The following ZNF331 variants were observed in gnomAD, a reference collection of about 807,000 sequenced individuals.
The protein encoded by ZNF331 is C2H2-like zinc finger protein rearranged in thyroid adenomas.
In ZNF331, 2 loss-of-function variants were observed where a neutral mutation model predicts 7.0. That is an observed-to-expected ratio of 0.29 (90% CI 0.12 to 0.90). The LOEUF is 0.90. ZNF331 is among the 40% of genes least tolerant of loss of function. The pLI is 0.58. For missense variants in ZNF331, 432 were observed against 587.7 expected (o/e 0.74, Z 2.74); for synonymous variants, 196 against 205.4 (o/e 0.95, Z 0.39).
At chr19:53,519,997 T>A (rs1424450635), upstream of ZNF331, among the ~76,000 whole-genome samples, 5 of 152,080 alleles carry the variant, frequency 3.3e-5, no homozygotes, top group Admixed American at 6.6e-5. Context: ...TGCTGGGAAA[T>A]TTTTGAACTT....
the ZNF331 span, among the ~76,000 whole-genome samples, chr19:53,505,671 A>G: frequency 1.3e-5 from 2 of 152,162 alleles, no homozygotes; most frequent in East Asian, 3.9e-4. Flanking sequence ...TAGTCACCAA[A>G]TGCTGGATGG....
chr19:53,559,928 TAC>T (rs2089752191), intron 3 of ZNF331, among the ~76,000 whole-genome samples: 1 of 147,714 alleles, frequency 6.8e-6, no homozygotes, highest in South Asian at 2.2e-4. Context: ...ACCCACACCA[TAC>T]ACACATACAT....
At chr19:53,576,125 C>G (rs960574494) in intron 5 of ZNF331, among the ~76,000 whole-genome samples, 4 of 152,084 alleles carry the variant, frequency 2.6e-5, no homozygotes, top group Non-Finnish European at 2.9e-5. Context: ...GCTGGGATTA[C>G]AGTCATGCGC....
At chr19:53,572,009 A>C (rs571486986) in intron 5 of ZNF331, among the ~76,000 whole-genome samples, 10 of 152,272 alleles carry the variant, frequency 6.6e-5, no homozygotes, top group Admixed American at 1.3e-4. Flanking sequence ...CCATCTTCAA[A>C]GGAGCCAGTT....
At chr19:53,533,049 T>A (rs924010601) in intron 2 of ZNF331, among the ~76,000 whole-genome samples, 1 of 150,502 alleles carries the variant, frequency 6.6e-6, no homozygotes, top group African/African-American at 2.4e-5. Context: ...TTCATTACTA[T>A]GAGTGTCATT....
chr19:53,554,524 G>C (rs1030800371), intron 2 of ZNF331: 3 of 152,240 alleles, frequency 2.0e-5, no homozygotes, highest in African/African-American at 7.2e-5. Flanking sequence ...CATGGGTGGC[G>C]GGACCGACTG....
the ZNF331 span, among the ~76,000 whole-genome samples, chr19:53,514,505 C>T: frequency 1.3e-5 from 2 of 152,120 alleles, no homozygotes; most frequent in Non-Finnish European, 2.9e-5. Flanking sequence ...CTAGCCCTAA[C>T]TAATATATTT....
intron 2 of ZNF331, among the ~76,000 whole-genome samples, chr19:53,542,365 C>T (rs2088236193): frequency 6.6e-6 from 1 of 152,168 alleles, no homozygotes; most frequent in African/African-American, 2.4e-5. Flanking sequence ...TGTTCCTTTC[C>T]CAGGACATCA....
rs2090840163 is a variant in ZNF331 at position 53,579,166 on chromosome 19, A to G, written c.*1214A>G. 4.9e-6 allele frequency: 1 copy of G among 205,448 alleles called. No homozygotes were observed. The highest frequency in any genetic ancestry group is 9.9e-6 in the Non-Finnish European group (1 of 100,514). The allele number at this position is 205,448 out of a possible 1,614,324, so 12.7% of individuals were successfully genotyped here. On this transcript the variant is annotated 3_prime_UTR_variant, in exon 6 of 6. Transcript: ENST00000449416. ...AGAGGCAAATTTGAAGAGTGGAAAA[A>G]TCACTTTTTCTGAATGATCTTGTTT...
At chr19:53,563,592 T>TAA (rs147646452) in intron 3 of ZNF331, among the ~76,000 whole-genome samples, 2 of 147,676 alleles carry the variant, frequency 1.4e-5, no homozygotes, top group Non-Finnish European at 3.0e-5. Context: ...TTAATGTAAG[T>TAA]AAAAAAAAAA....
chr19:53,536,130 T>G (rs1207451571), upstream of ZNF331, among the ~76,000 whole-genome samples: 2 of 152,232 alleles, frequency 1.3e-5, no homozygotes, highest in African/African-American at 4.8e-5. Flanking sequence ...CTAGATTTTT[T>G]AAGGAACTAT....
intron 5 of ZNF331, among the ~76,000 whole-genome samples, chr19:53,575,501 T>TA (rs1365766872): frequency 9.6e-6 from 1 of 104,506 alleles, no homozygotes; most frequent in Non-Finnish European, 1.8e-5. Context: ...CCCAGTTGCT[T>TA]TTTTTTTTTT....
Position 53,547,547 on chromosome 19 carries a change from C to G in ZNF331, c.-138+8265C>G, listed in dbSNP as rs190569561. Among the ~76,000 whole-genome samples, 31 of 152,220 alleles carry G rather than the reference C, an allele frequency of 2.0e-4. No individual in the cohort carries two copies. In the East Asian group the frequency reaches 5.8e-3, roughly 28 times the overall value. ...AATTTCATTTTCTTTGGATATATAC[C>G]CAGAGTGGGATTGCTGCGTCATCTG... is the stretch of plus-strand genomic sequence containing the variant. On this transcript the variant is annotated intron_variant, in intron 2 of 5. Transcript: ENST00000449416.
chr19:53,544,267 C>T (rs1009125320), intron 2 of ZNF331, among the ~76,000 whole-genome samples: 9 of 149,062 alleles, frequency 6.0e-5, no homozygotes, highest in East Asian at 6.0e-4. Context: ...ATTATTAGGC[C>T]GGGTGTGGTG....
At chr19:53,518,974 G>C (rs1600172045), upstream of ZNF331, among the ~76,000 whole-genome samples, 3 of 152,254 alleles carry the variant, frequency 2.0e-5, no homozygotes, top group South Asian at 6.2e-4. Context: ...TCCTTATCTG[G>C]TTGGATGCAG....
chr19:53,577,977 G>A lies in ZNF331; in HGVS notation c.*25G>A, dbSNP rs373263849. 2.7e-4 allele frequency: 432 copies of A among 1,582,978 alleles called. No homozygotes were observed. The highest frequency in any genetic ancestry group is 3.4e-4 in the Non-Finnish European group (395 of 1,161,506). On this transcript the variant is annotated 3_prime_UTR_variant, in exon 6 of 6. Transcript: ENST00000449416. ...AAGAGCCTTTTGAACGCAGTAGCCC[G>A]CTCGTATCTATGGTTTCGCTTTCCA...
At chr19:53,568,066 T>C (rs958678706) in intron 3 of ZNF331, among the ~76,000 whole-genome samples, 2 of 151,906 alleles carry the variant, frequency 1.3e-5, no homozygotes, top group Non-Finnish European at 2.9e-5. Context: ...CTGGCCAACA[T>C]GGTGAAACCC....
At chr19:53,524,115 A>G (rs1346081742) in intron 2 of ZNF331, among the ~76,000 whole-genome samples, 1 of 152,230 alleles carries the variant, frequency 6.6e-6, no homozygotes, top group Non-Finnish European at 1.5e-5. Flanking sequence ...ATGGCTGCAT[A>G]GTAATCCATG....
At position 53,558,263 on chromosome 19, in the gene ZNF331, G is replaced by C; in HGVS notation, c.-74+2355G>C. ...AGTTTATTACAAAGGATATTTTAAA[G>C]GATACTAATGAACAGCCAGATGAAG... On this transcript the variant is annotated intron_variant, in intron 3 of 5. Transcript: ENST00000449416. The surrounding 1 kb of genome is among the most constrained non-coding windows in gnomAD (Gnocchi z 4.5). Among the ~76,000 whole-genome samples, 1 of 152,128 alleles carries C rather than the reference G, an allele frequency of 6.6e-6. No homozygotes were observed. Among genetic ancestry groups the C allele is most frequent in the East Asian group, 1.9e-4 (1 of 5,194 alleles).
Sources: gnomAD v4.1 joint callset for allele counts (sites outside exome capture counted in the v4.1 genomes callset) on GRCh38, gnomAD v4.1.1 for gene constraint, Gnocchi (gnomAD v3.1) non-coding constraint, MANE v1.5 for transcripts, NCBI Gene and HGNC (gene_info 2026-07-23, HGNC 2026-07-21) for gene names.